The following STXBP6 variants were observed in gnomAD, a reference collection of about 807,000 sequenced individuals.
STXBP6 encodes the protein syntaxin binding protein 6, also known as syntaxin-binding protein 6.
STXBP6 carries 21 observed loss-of-function variants against 26.9 expected under a neutral mutation model. The ratio of observed to expected loss-of-function variants is 0.78; its 90% CI spans 0.55 to 1.12. The LOEUF (loss-of-function observed/expected upper bound fraction) is 1.12. STXBP6 is among the 50% of genes most tolerant of loss of function. The pLI is 0.00. For synonymous variants in STXBP6, 97 were observed against 92.6 expected (o/e 1.05, Z -0.27); for missense variants, 232 against 257.9 (o/e 0.90, Z 0.69).
At chr14:24,971,211 A>G (rs1321884693) in intron 2 of STXBP6, among the ~76,000 whole-genome samples, 1 of 152,216 alleles carries the variant, frequency 6.6e-6, no homozygotes, top group Non-Finnish European at 1.5e-5. Context: ...TCTGATCATA[A>G]AATGTACTAG....
chr14:24,976,747 T>A (rs2074054494), intron 1 of STXBP6, among the ~76,000 whole-genome samples: 1 of 151,756 alleles, frequency 6.6e-6, no homozygotes, highest in Non-Finnish European at 1.5e-5. Context: ...TGCCTCTCAC[T>A]ATTTGGGTAC....
intron 4 of STXBP6, among the ~76,000 whole-genome samples, chr14:24,822,431 G>A (rs113094869): frequency 3.3e-5 from 5 of 152,042 alleles, no homozygotes; most frequent in South Asian, 2.1e-4. Context: ...ACATTTTTAG[G>A]CTCTTGGTGT....
chr14:24,924,133 T>C (rs1383342110), intron 2 of STXBP6, among the ~76,000 whole-genome samples: 1 of 152,216 alleles, frequency 6.6e-6, no homozygotes, highest in Admixed American at 6.5e-5. Context: ...TTAAGAGTAA[T>C]TGAATATCAT....
chr14:24,862,550 C>A (rs1486344726), intron 2 of STXBP6, among the ~76,000 whole-genome samples: 1 of 152,116 alleles, frequency 6.6e-6, no homozygotes, highest in Non-Finnish European at 1.5e-5. Context: ...GTTTTCCAGA[C>A]AAAAGTTTCC....
intron 4 of STXBP6, among the ~76,000 whole-genome samples, chr14:24,829,181 T>C (rs1360462735): frequency 6.6e-6 from 1 of 152,090 alleles, no homozygotes; most frequent in African/African-American, 2.4e-5. Context: ...AAATAAATAA[T>C]GAAGAGAGAA....
At chr14:24,988,302 C>T (rs2074384179) in intron 1 of STXBP6, among the ~76,000 whole-genome samples, 1 of 152,152 alleles carries the variant, frequency 6.6e-6, no homozygotes, top group Non-Finnish European at 1.5e-5. Flanking sequence ...GTAATTACCA[C>T]AACCTGGGCT....
At chr14:24,874,119 G>A (rs983520344) in intron 2 of STXBP6, among the ~76,000 whole-genome samples, 8 of 151,772 alleles carry the variant, frequency 5.3e-5, no homozygotes, top group African/African-American at 1.9e-4. Flanking sequence ...AAGAGATGGA[G>A]GAAGAAAAAA....
intron 1 of STXBP6, among the ~76,000 whole-genome samples, chr14:25,007,489 G>A (rs1208282681): frequency 1.3e-5 from 2 of 152,138 alleles, no homozygotes; most frequent in African/African-American, 2.4e-5. Flanking sequence ...TCCTGACATG[G>A]TTCCCTTACC....
intron 1 of STXBP6, among the ~76,000 whole-genome samples, chr14:25,012,014 G>T (rs139633432): frequency 6.6e-6 from 1 of 152,124 alleles, no homozygotes; most frequent in African/African-American, 2.4e-5. Flanking sequence ...ACAGGATCTC[G>T]TTCTGTCACC....
intron 5 of STXBP6, chr14:24,815,829 T>A (rs915067263): frequency 3.3e-5 from 5 of 152,128 alleles, no homozygotes; most frequent in African/African-American, 1.2e-4. Context: ...TTCCTGAGGT[T>A]AACTTTGCAT....
chr14:25,039,429 C>T (rs2075605861), intron 1 of STXBP6, among the ~76,000 whole-genome samples: 2 of 152,190 alleles, frequency 1.3e-5, no homozygotes, highest in Non-Finnish European at 2.9e-5. Context: ...CTTAGTTTCT[C>T]TCTCATTCTG....
intron 2 of STXBP6, among the ~76,000 whole-genome samples, chr14:24,946,624 C>T (rs921744994): frequency 1.3e-5 from 2 of 152,124 alleles, no homozygotes; most frequent in African/African-American, 2.4e-5. Flanking sequence ...TACGGAGGGT[C>T]TCAGTCAGAC....
chr14:24,853,578 T>C (rs2069228831), intron 4 of STXBP6, among the ~76,000 whole-genome samples: 1 of 152,086 alleles, frequency 6.6e-6, no homozygotes, highest in African/African-American at 2.4e-5. Flanking sequence ...GTGATGGAAC[T>C]GAAAGAGATT....
chr14:24,876,439 A>C, intron 2 of STXBP6, among the ~76,000 whole-genome samples: 1 of 152,196 alleles, frequency 6.6e-6, no homozygotes, highest in South Asian at 2.1e-4. Flanking sequence ...TTTTCTTGAA[A>C]AGGAAATTAT....
intron 1 of STXBP6, among the ~76,000 whole-genome samples, chr14:25,033,824 G>T (rs2075504121): frequency 1.3e-5 from 2 of 152,162 alleles, no homozygotes; most frequent in African/African-American, 4.8e-5. Flanking sequence ...GTCTGATTTT[G>T]CTCACCATGA....
At chr14:24,853,606 T>C (rs760638423) in intron 4 of STXBP6, among the ~76,000 whole-genome samples, 3 of 152,118 alleles carry the variant, frequency 2.0e-5, no homozygotes, top group Non-Finnish European at 4.4e-5. Flanking sequence ...GCATCTAGTC[T>C]AACCTCTACA....
intron 2 of STXBP6, among the ~76,000 whole-genome samples, chr14:24,953,963 G>A (rs183491961): frequency 3.9e-5 from 6 of 152,180 alleles, no homozygotes; most frequent in Non-Finnish European, 7.3e-5. Context: ...TGGAAGAAGA[G>A]GGAGAACTCC....
intron 2 of STXBP6, among the ~76,000 whole-genome samples, chr14:24,890,447 G>C (rs910392266): frequency 1.3e-5 from 2 of 151,812 alleles, no homozygotes; most frequent in African/African-American, 4.8e-5. Context: ...AAAACACGAG[G>C]GTCAGGTGGA....
At chr14:24,843,327 G>A (rs2068842232) in intron 4 of STXBP6, among the ~76,000 whole-genome samples, 2 of 152,102 alleles carry the variant, frequency 1.3e-5, no homozygotes, top group Non-Finnish European at 2.9e-5. Context: ...ACAGACGACT[G>A]TACTTCTACT....
Sources: gnomAD v4.1 joint callset for allele counts (sites outside exome capture counted in the v4.1 genomes callset) on GRCh38, gnomAD v4.1.1 for gene constraint, MANE v1.5 for transcripts, NCBI Gene and HGNC (gene_info 2026-07-23, HGNC 2026-07-21) for gene names.